The following LINGO2 variants were observed in gnomAD, a reference collection of about 807,000 sequenced individuals.
LINGO2 encodes the protein leucine rich repeat and Ig domain containing 2.
In LINGO2, 14 loss-of-function variants were observed where a neutral mutation model predicts 30.6. That is an observed-to-expected ratio of 0.46 (90% CI 0.30 to 0.72). LINGO2 has a LOEUF of 0.72. LINGO2 is among the 30% of genes least tolerant of loss of function. The probability of loss-of-function intolerance (pLI) is 0.07; values close to 1 mark genes in which losing one functional copy is unlikely to be tolerated. For missense variants in LINGO2, 729 were observed against 751.7 expected, an observed-to-expected ratio of 0.97 and a Z score of 0.35; for synonymous variants, 317 against 288.5, an observed-to-expected ratio of 1.10 and a Z score of -1.00.
At chr9:28,378,744 T>C (rs908471106) in intron 2 of LINGO2, among the ~76,000 whole-genome samples, 1 of 152,136 alleles carries the variant, frequency 6.6e-6, no homozygotes, top group Non-Finnish European at 1.5e-5. Flanking sequence ...CTTAATTTAA[T>C]TGGGATTGTG....
intron 4 of LINGO2, among the ~76,000 whole-genome samples, chr9:28,063,726 C>G (rs1825225730): frequency 6.6e-6 from 1 of 152,100 alleles, no homozygotes; most frequent in African/African-American, 2.4e-5. Flanking sequence ...TTGACAGGAG[C>G]TAACTCTATA....
the LINGO2 span, among the ~76,000 whole-genome samples, chr9:29,132,832 C>T: frequency 6.6e-6 from 1 of 152,062 alleles, no homozygotes; most frequent in Non-Finnish European, 1.5e-5. Context: ...TTTCAACAAA[C>T]ATGTATTGAT....
chr9:29,045,181 A>G, the LINGO2 span, among the ~76,000 whole-genome samples: 1 of 152,094 alleles, frequency 6.6e-6, no homozygotes, highest in Non-Finnish European at 1.5e-5. Flanking sequence ...ATGAAGTAAC[A>G]TGGTAAGTGA....
At chr9:27,954,532 CT>C (rs952007436) in intron 5 of LINGO2, among the ~76,000 whole-genome samples, 4 of 152,138 alleles carry the variant, frequency 2.6e-5, no homozygotes, top group Admixed American at 1.3e-4. Flanking sequence ...TTTATACTTT[CT>C]TTTTGGTAGA....
the LINGO2 span, among the ~76,000 whole-genome samples, chr9:28,734,646 G>A: frequency 2.6e-5 from 4 of 151,976 alleles, no homozygotes; most frequent in Non-Finnish European, 4.4e-5. Flanking sequence ...TGTTTGTTTT[G>A]GAATACAATT....
the LINGO2 span, among the ~76,000 whole-genome samples, chr9:28,763,811 C>T: frequency 1.3e-5 from 2 of 151,056 alleles, no homozygotes; most frequent in Non-Finnish European, 3.0e-5. Context: ...AGAGAGGATA[C>T]AAATAAATAA....
chr9:29,190,949 G>T, the LINGO2 span, among the ~76,000 whole-genome samples: 1 of 152,252 alleles, frequency 6.6e-6, no homozygotes, highest in South Asian at 2.1e-4. Flanking sequence ...ACATCGAAGA[G>T]AAAGTTTCAT....
chr9:28,394,782 A>C (rs76160644), intron 2 of LINGO2, among the ~76,000 whole-genome samples: 5,750 of 152,300 alleles, frequency 0.038, 130 homozygotes, highest in Middle Eastern at 0.058. Flanking sequence ...TCCTCTGTGA[A>C]GGAAATAATC....
At chr9:28,382,809 T>A (rs1022960134) in intron 2 of LINGO2, among the ~76,000 whole-genome samples, 1 of 152,088 alleles carries the variant, frequency 6.6e-6, no homozygotes, top group African/African-American at 2.4e-5. Flanking sequence ...AAAATGGGGA[T>A]AGTAATAAAT....
At chr9:29,184,921 C>T in the LINGO2 span, among the ~76,000 whole-genome samples, 8 of 152,116 alleles carry the variant, frequency 5.3e-5, no homozygotes, top group African/African-American at 1.2e-4. Flanking sequence ...TTTGCATGTG[C>T]TATCAGTTAG....
the LINGO2 span, among the ~76,000 whole-genome samples, chr9:29,198,997 C>CA: frequency 2.6e-5 from 4 of 152,098 alleles, no homozygotes; most frequent in East Asian, 1.9e-4. Context: ...GCTGTGGTAA[C>CA]AAAAAATCCC....
At chr9:28,777,087 C>A in the LINGO2 span, among the ~76,000 whole-genome samples, 2 of 152,094 alleles carry the variant, frequency 1.3e-5, no homozygotes, top group African/African-American at 2.4e-5. Flanking sequence ...CTTCCCCTCC[C>A]CTTCCGCCAT....
chr9:28,834,763 A>T, the LINGO2 span, among the ~76,000 whole-genome samples: 1 of 152,186 alleles, frequency 6.6e-6, no homozygotes. Flanking sequence ...AGCTGACAGA[A>T]TACTCAAGAA....
At chr9:28,494,019 T>G (rs558347429) in intron 1 of LINGO2, among the ~76,000 whole-genome samples, 1 of 152,264 alleles carries the variant, frequency 6.6e-6, no homozygotes, top group South Asian at 2.1e-4. Flanking sequence ...TGACTCCCCT[T>G]TATATATACA....
At chr9:28,888,922 A>G in the LINGO2 span, 3 of 533,684 alleles carry the variant, frequency 5.6e-6, no homozygotes, top group South Asian at 2.8e-5. Context: ...GTTCATTTTC[A>G]ATAGGAGACT....
At chr9:28,610,475 T>C (rs1825869408) in intron 1 of LINGO2, among the ~76,000 whole-genome samples, 2 of 151,954 alleles carry the variant, frequency 1.3e-5, no homozygotes, top group African/African-American at 4.8e-5. Flanking sequence ...TGGGAGGTGA[T>C]GAAGTCACGA....
At chr9:27,980,034 A>G (rs7048906) in intron 5 of LINGO2, among the ~76,000 whole-genome samples, 50,668 of 151,674 alleles carry the variant, frequency 0.33, 8,541 homozygotes, top group South Asian at 0.35. Flanking sequence ...ACAGGACTTA[A>G]GGTGCATAGT....
At chr9:28,576,663 T>C (rs533162904) in intron 1 of LINGO2, among the ~76,000 whole-genome samples, 1 of 152,292 alleles carries the variant, frequency 6.6e-6, no homozygotes, top group Admixed American at 6.5e-5. Flanking sequence ...CATTGTCACA[T>C]ACATCATTGT....
intron 4 of LINGO2, among the ~76,000 whole-genome samples, chr9:28,045,925 G>A (rs1361227203): frequency 1.3e-5 from 2 of 152,146 alleles, no homozygotes; most frequent in African/African-American, 2.4e-5. Context: ...TGATGATGAT[G>A]AAAAGCAAAG....
Sources: gnomAD v4.1 joint callset for allele counts (sites outside exome capture counted in the v4.1 genomes callset) on GRCh38, gnomAD v4.1.1 for gene constraint, MANE v1.5 for transcripts, NCBI Gene and HGNC (gene_info 2026-07-23, HGNC 2026-07-21) for gene names.